PARP4: variants seen among roughly 807,000 people sequenced by gnomAD.
PARP4 encodes protein mono-ADP-ribosyltransferase PARP4.
In PARP4, 120 loss-of-function variants were observed where a neutral mutation model predicts 187.7. The ratio of observed to expected loss-of-function variants is 0.64; its 90% CI spans 0.55 to 0.74. The LOEUF (loss-of-function observed/expected upper bound fraction) is 0.74. Ranked by LOEUF, PARP4 falls within the 30% of genes least tolerant of loss-of-function variation. The pLI, the probability that PARP4 is intolerant of heterozygous loss-of-function variation, is 0.00. For synonymous variants in PARP4, 654 were observed against 740.9 expected (o/e 0.88, Z 1.90); for missense variants, 1,836 against 2,070.5 (o/e 0.89, Z 2.20).
Position 24,434,700 on chromosome 13 carries a change from A to G in PARP4, c.4441T>C (p.Ser1481Pro), listed in dbSNP as rs779753422. Residue 1481 changes from serine to proline, a missense_variant, in exon 31 of 34, where the codon TCT becomes CCT. Transcript: ENST00000381989. Reference sequence around the variant, plus strand: ...CTGCAAAGAGCCTCAGGTAAAGCAGAGGCCATTGGCAGCCTAAGGTTGGCA... The same window carrying G: ...CTGCAAAGAGCCTCAGGTAAAGCAGGGGCCATTGGCAGCCTAAGGTTGGCA... ...LTANLRLPMASALPEALCSQS... is the reference protein window; with the variant it reads ...LTANLRLPMAPALPEALCSQS... 7 of 1,614,050 alleles carry G rather than the reference A, an allele frequency of 4.3e-6. No homozygotes were observed. In the African/African-American group the frequency reaches 9.3e-5, roughly 22 times the overall value.
chr13:24,448,262 A>C (rs559952227), intron 25 of PARP4, among the ~76,000 whole-genome samples: 3 of 152,102 alleles, frequency 2.0e-5, no homozygotes, highest in South Asian at 4.2e-4. Flanking sequence ...AAACAATAAG[A>C]AAAAAAGTGG....
intron 2 of PARP4, 61 bp from the exon 3 acceptor site, chr13:24,501,895 TTGTATC>T (rs1203256407): frequency 2.9e-6 from 3 of 1,018,166 alleles, no homozygotes; most frequent in Non-Finnish European, 4.5e-6. Flanking sequence ...AATAAGATAT[TTGTATC>T]TGTAATTTTC....
At chr13:24,492,306 G>T in intron 9 of PARP4, 115 bp downstream of exon 9, 1 of 681,036 alleles carries the variant, frequency 1.5e-6, no homozygotes, top group Non-Finnish European at 2.4e-6. Context: ...TTATTTTCTA[G>T]TACAACTCTG....
At chr13:24,510,988 A>G (rs1160238790) in intron 1 of PARP4, among the ~76,000 whole-genome samples, 1 of 151,912 alleles carries the variant, frequency 6.6e-6, no homozygotes, top group Non-Finnish European at 1.5e-5. Context: ...GGTTCTTACT[A>G]TGTTGCCAAG....
At chr13:24,432,458 GAAACCATC>G (rs1330183427) in intron 31 of PARP4, among the ~76,000 whole-genome samples, 7 of 152,144 alleles carry the variant, frequency 4.6e-5, no homozygotes, top group Admixed American at 1.3e-4. Flanking sequence ...ATACACCTGT[GAAACCATC>G]AAACCATCAC....
At chr13:24,425,624 C>T (rs1390911935) in intron 33 of PARP4, among the ~76,000 whole-genome samples, 2 of 133,708 alleles carry the variant, frequency 1.5e-5, no homozygotes, top group African/African-American at 3.1e-5. Flanking sequence ...TCAGAGGGAT[C>T]CTACTCTGGT....
chr13:24,503,505 A>G, intron 2 of PARP4, 140 bp downstream of exon 2: 1 of 991,590 alleles, frequency 1.0e-6, no homozygotes, highest in Non-Finnish European at 1.5e-6. Flanking sequence ...CCAATGGGCC[A>G]TGTCAGTCTC....
chr13:24,452,821 G>A (rs1268696696), intron 23 of PARP4, among the ~76,000 whole-genome samples: 1 of 152,120 alleles, frequency 6.6e-6, no homozygotes, highest in Non-Finnish European at 1.5e-5. Flanking sequence ...AGTTTCCAGA[G>A]GACTATGACA....
At chr13:24,434,306 G>T in intron 31 of PARP4, 89 bp downstream of exon 31, 1 of 1,251,094 alleles carries the variant, frequency 8.0e-7, no homozygotes, top group Non-Finnish European at 1.1e-6. Context: ...ACTGATGATA[G>T]ACGGTTCCTT....
Position 24,435,205 on chromosome 13 carries a change from A to C in PARP4, c.3936T>G (p.Thr1312=). 6.2e-7 allele frequency: 1 copy of C among 1,614,170 alleles called. No individual in the cohort carries two copies. Among genetic ancestry groups the C allele is most frequent in the African/African-American group, 1.3e-5 (1 of 75,048 alleles). Reference sequence around the variant, plus strand: ...GAGCCAAAATAGGAAAAAAGCTAGAAGTAGATGTTTCCCATGGACTGACTT... The same window carrying C: ...GAGCCAAAATAGGAAAAAAGCTAGACGTAGATGTTTCCCATGGACTGACTT... ...FKKVSPWETS[T]SSFFPILAPA... The change falls in exon 31 of 34, where the codon ACT becomes ACG. Residue 1312 remains threonine, a synonymous_variant. Coordinates refer to ENST00000381989, the MANE Select transcript of PARP4 (RefSeq NM_006437.4).
chr13:24,453,439 T>C lies in PARP4; in HGVS notation c.2826+148A>G, dbSNP rs1353454548. 4 of 475,292 alleles carry C rather than the reference T, an allele frequency of 8.4e-6. No individual in the cohort carries two copies. The East Asian group carries it at 1.4e-4, about 16-fold the overall frequency. The allele number at this position is 475,292 out of a possible 1,614,324, so 29.4% of individuals were successfully genotyped here. A position where few individuals can be genotyped will look rare whatever the true frequency, so the allele number is the denominator to read the frequency against. ...ATTTTTCCTTAATGAGTTATCATTT[T>C]AATTAATGAAATAAAGAGCCCACCA... On this transcript the variant is annotated intron_variant, in intron 23 of 33. Transcript: ENST00000381989.
At chr13:24,462,387 C>T (rs937412162) in intron 17 of PARP4, among the ~76,000 whole-genome samples, 1 of 152,124 alleles carries the variant, frequency 6.6e-6, no homozygotes, top group Non-Finnish European at 1.5e-5. Context: ...ATAACAACAG[C>T]AGAACTCAAA....
intron 27 of PARP4, among the ~76,000 whole-genome samples, chr13:24,443,941 TC>T (rs1314891899): frequency 6.6e-6 from 1 of 152,238 alleles, no homozygotes; most frequent in African/African-American, 2.4e-5. Context: ...CCTGAAAAGT[TC>T]CTGTGTGCCC....
In PARP4 at chr13:24,421,206, C is replaced by A; in HGVS notation, c.5088G>T (p.Trp1696Cys). Residue 1696 changes from tryptophan (W) to cysteine (C), a missense_variant, in exon 34 of 34, where the codon TGG becomes TGT. Coordinates refer to ENST00000381989, the MANE Select transcript of PARP4 (RefSeq NM_006437.4). ...ICPRLELGND[W>C]DSATKQLLGL... Reference sequence around the variant, plus strand: ...CCAGCAACTGCTTGGTGGCAGAGTCCCAGTCGTTCCCCAGTTCAAGCCGTG... The same window carrying A: ...CCAGCAACTGCTTGGTGGCAGAGTCACAGTCGTTCCCCAGTTCAAGCCGTG... The A allele has an allele frequency of 7.0e-7, 1 of 1,424,362 alleles. No individual in the cohort carries two copies. The highest frequency in any genetic ancestry group is 9.4e-7 in the Non-Finnish European group (1 of 1,065,748). 88.2% of individuals were successfully genotyped at this position (1,424,362 alleles called of 1,614,324 possible). A position where few individuals can be genotyped will look rare whatever the true frequency, so the allele number is the denominator to read the frequency against.
intron 1 of PARP4, among the ~76,000 whole-genome samples, chr13:24,506,926 G>A (rs934530546): frequency 1.1e-4 from 16 of 152,204 alleles, no homozygotes; most frequent in Admixed American, 2.0e-4. Flanking sequence ...CAGACATGGC[G>A]GGCTGCAGGT....
At chr13:24,445,298 C>T (rs1461104130) in intron 27 of PARP4, among the ~76,000 whole-genome samples, 4 of 151,902 alleles carry the variant, frequency 2.6e-5, no homozygotes, top group Middle Eastern at 3.4e-3. Flanking sequence ...CCTAACAGGA[C>T]CCTTCAACCA....
Position 24,468,985 on chromosome 13 carries a change from C to G in PARP4, c.2133+39G>C, listed in dbSNP as rs745796695. 4 of 1,302,882 alleles carry G rather than the reference C, an allele frequency of 3.1e-6. No homozygotes were observed. In the Admixed American group the frequency reaches 6.9e-5, roughly 22 times the overall value. 80.7% of individuals were successfully genotyped at this position (1,302,882 alleles called of 1,614,324 possible). A position where few individuals can be genotyped will look rare whatever the true frequency, so the allele number is the denominator to read the frequency against. ...TCATATCTTGTTCTAACTCTCTTTC[C>G]CTCTCCTGTATGCATGCGGCATGCA... On this transcript the variant is annotated intron_variant, in intron 17 of 33. Transcript: ENST00000381989.
In PARP4 at chr13:24,475,592, G is replaced by A; in HGVS notation, c.1794C>T (p.Tyr598=). The A allele has an allele frequency of 2.5e-6, 4 of 1,614,000 alleles. No individual in the cohort carries two copies. Among genetic ancestry groups the A allele is most frequent in the Non-Finnish European group, 3.4e-6 (4 of 1,179,880 alleles). ...TGGAAGTTTTGGCATCTGGTAACTG[G>A]TAATCTAAACGTTAAAAATGTTACT... The part of the protein sequence containing the change: ...EFSNFSKVED[Y]QLPDAKTSSS... Residue 598 remains tyrosine (Y), a synonymous_variant, in exon 15 of 34, where the codon TAC becomes TAT. Transcript: ENST00000381989.
intron 33 of PARP4, among the ~76,000 whole-genome samples, chr13:24,421,642 C>T (rs1280644768): frequency 3.0e-4 from 45 of 152,360 alleles, no homozygotes; most frequent in African/African-American, 1.0e-3. Flanking sequence ...TAAATCCTAT[C>T]CATTCTTCAC....
Sources: gnomAD v4.1 joint callset for allele counts (sites outside exome capture counted in the v4.1 genomes callset) on GRCh38, gnomAD v4.1.1 for gene constraint, MANE v1.5 for transcripts, NCBI Gene and HGNC (gene_info 2026-07-23, HGNC 2026-07-21) for gene names.